The following ST3GAL1 variants were observed in gnomAD, a reference collection of about 807,000 sequenced individuals.
ST3GAL1 encodes the protein ST3 beta-galactoside alpha-2,3-sialyltransferase 1.
A neutral mutation model predicts 34.1 loss-of-function variants in ST3GAL1; 16 were observed. That is an observed-to-expected ratio of 0.47 (90% CI 0.32 to 0.71). The LOEUF (loss-of-function observed/expected upper bound fraction) is 0.71. ST3GAL1 is among the 30% of genes least tolerant of loss of function. ST3GAL1 has a pLI of 0.04. For synonymous variants in ST3GAL1, 191 were observed against 184.7 expected (o/e 1.03, Z -0.28); for missense variants, 353 against 447.4 (o/e 0.79, Z 1.90).
intron 2 of ST3GAL1, among the ~76,000 whole-genome samples, chr8:133,517,305 C>T (rs574467960): frequency 7.2e-5 from 11 of 152,294 alleles, no homozygotes; most frequent in Admixed American, 5.9e-4. Context: ...AAGAGCCCAC[C>T]AAACTGGTGG....
chr8:133,532,643 C>T (rs1818190647), intron 2 of ST3GAL1, among the ~76,000 whole-genome samples: 1 of 152,158 alleles, frequency 6.6e-6, no homozygotes, highest in Non-Finnish European at 1.5e-5. Flanking sequence ...GTGAAAGGCT[C>T]ATCCTCGAGA....
At chr8:133,535,093 C>T (rs747928051) in intron 2 of ST3GAL1, among the ~76,000 whole-genome samples, 3 of 152,086 alleles carry the variant, frequency 2.0e-5, no homozygotes, top group East Asian at 1.9e-4. Context: ...GGAGGAGTCC[C>T]GGAAGAGACA....
intron 2 of ST3GAL1, among the ~76,000 whole-genome samples, chr8:133,533,614 G>A (rs115939797): frequency 3.7e-4 from 57 of 152,254 alleles, no homozygotes; most frequent in African/African-American, 1.2e-3. Flanking sequence ...CCACTTGCCC[G>A]TCAAACAATC....
chr8:133,456,899 C>G lies in ST3GAL1; in HGVS notation c.*2865G>C, dbSNP rs546474939. 1.3e-5 allele frequency: 2 copies of G among 152,376 alleles called. No homozygotes were observed. The highest frequency in any genetic ancestry group is 3.9e-4 in the East Asian group (2 of 5,180). The allele number at this position is 152,376 out of a possible 1,614,324, so 9.4% of individuals were successfully genotyped here. On this transcript the variant is annotated 3_prime_UTR_variant, in exon 10 of 10. Transcript: ENST00000522652. ...ATTTCAACATAGCGCCGGTAACACC[C>G]TAGTTTTGCTCAAACTCTGACTTGT...
intron 1 of ST3GAL1, among the ~76,000 whole-genome samples, chr8:133,565,111 C>T (rs1346839232): frequency 1.3e-5 from 2 of 151,722 alleles, no homozygotes; most frequent in Admixed American, 1.3e-4. Flanking sequence ...TCCCCACCCC[C>T]AGCTGTTGCA....
rs577811671 is a variant in ST3GAL1 at position 133,567,850 on chromosome 8, G to T, written c.-582+3843C>A. ...TGGCTGAAGCAAACATAAATCAGGTGGTGGCTGTCTTCACAAAGAGAAGCT... is the reference window on the plus strand; with the variant it reads ...TGGCTGAAGCAAACATAAATCAGGTTGTGGCTGTCTTCACAAAGAGAAGCT... On this transcript the variant is annotated intron_variant, in intron 1 of 9. Transcript: ENST00000522652. Among the ~76,000 whole-genome samples the T allele has an allele frequency of 2.0e-5, 3 of 152,210 alleles. No homozygotes were observed. In the South Asian group the frequency reaches 6.2e-4, roughly 32 times the overall value.
intron 2 of ST3GAL1, among the ~76,000 whole-genome samples, chr8:133,520,564 TC>T (rs1817774023): frequency 6.6e-6 from 1 of 152,054 alleles, no homozygotes; most frequent in South Asian, 2.1e-4. Context: ...GAAACATGAA[TC>T]CCCTGCAGGG....
At chr8:133,566,834 TGTA>T in intron 1 of ST3GAL1, 1 of 152,204 alleles carries the variant, frequency 6.6e-6, no homozygotes, top group Non-Finnish European at 1.5e-5. Flanking sequence ...GCTCTCATGG[TGTA>T]GGAACTTGCA....
At chr8:133,471,637 C>G (rs61147127) in intron 5 of ST3GAL1, among the ~76,000 whole-genome samples, 4 of 151,984 alleles carry the variant, frequency 2.6e-5, no homozygotes, top group Non-Finnish European at 5.9e-5. Flanking sequence ...CCTTTAACTA[C>G]AAGGGGATCT....
intron 2 of ST3GAL1, among the ~76,000 whole-genome samples, chr8:133,536,115 T>C (rs1818303268): frequency 1.3e-5 from 2 of 152,158 alleles, no homozygotes; most frequent in Non-Finnish European, 2.9e-5. Context: ...GAAGCAGAAG[T>C]GTGATTTGAA....
chr8:133,532,879 T>C (rs145594648), intron 2 of ST3GAL1, among the ~76,000 whole-genome samples: 102 of 152,282 alleles, frequency 6.7e-4, no homozygotes, highest in African/African-American at 2.2e-3. Context: ...GGGTGATAGT[T>C]TGGGGACGAG....
At chr8:133,503,444 A>T (rs1490377608) in intron 2 of ST3GAL1, among the ~76,000 whole-genome samples, 1 of 151,962 alleles carries the variant, frequency 6.6e-6, no homozygotes, top group Non-Finnish European at 1.5e-5. Flanking sequence ...AACAATTAGG[A>T]TCCACTGTCT....
chr8:133,518,530 A>C (rs181173708), intron 2 of ST3GAL1, among the ~76,000 whole-genome samples: 150 of 152,336 alleles, frequency 9.8e-4, no homozygotes, highest in Non-Finnish European at 1.9e-3. Flanking sequence ...TTGATGCTTA[A>C]ATCTTATCCA....
intron 1 of ST3GAL1, among the ~76,000 whole-genome samples, chr8:133,557,665 T>G (rs1005928008): frequency 1.3e-5 from 2 of 152,134 alleles, no homozygotes; most frequent in Non-Finnish European, 2.9e-5. Context: ...CTGACCAACA[T>G]GGTGAAACCC....
At chr8:133,507,623 A>G (rs557917044) in intron 2 of ST3GAL1, among the ~76,000 whole-genome samples, 133 of 152,336 alleles carry the variant, frequency 8.7e-4, no homozygotes, top group African/African-American at 3.1e-3. Flanking sequence ...TAGGGACATG[A>G]AGAAAAGAAG....
At position 133,458,819 on chromosome 8, in the gene ST3GAL1, A is replaced by T. The variant is rs16904926; in HGVS notation, c.*945T>A. ...ATGAGACTGACTACTCAAAGGAACAACTGCTTGGGAAGAGGCATCTGCAGG... is the reference window on the plus strand; with the variant it reads ...ATGAGACTGACTACTCAAAGGAACATCTGCTTGGGAAGAGGCATCTGCAGG... On this transcript the variant is annotated 3_prime_UTR_variant, in exon 10 of 10. Transcript: ENST00000522652. The T allele has an allele frequency of 0.034, 5,237 of 152,096 alleles. 164 individuals are homozygous for T. The highest frequency in any genetic ancestry group is 0.079 in the African/African-American group (3,260 of 41,454). 9.4% of individuals were successfully genotyped at this position (152,096 alleles called of 1,614,324 possible).
At chr8:133,555,720 G>A (rs1304642858) in intron 1 of ST3GAL1, among the ~76,000 whole-genome samples, 1 of 152,150 alleles carries the variant, frequency 6.6e-6, no homozygotes, top group Admixed American at 6.5e-5. Context: ...ACAGGAGTCG[G>A]CGGGTGCCTG....
In ST3GAL1 at chr8:133,570,623, C is replaced by T. The variant is rs1185598475; in HGVS notation, c.-582+1070G>A. Among the ~76,000 whole-genome samples, 1 of 152,216 alleles carries T rather than the reference C, an allele frequency of 6.6e-6. No individual in the cohort carries two copies. The highest frequency in any genetic ancestry group is 6.5e-5 in the Admixed American group (1 of 15,288). On this transcript the variant is annotated intron_variant, in intron 1 of 9. Transcript: ENST00000522652. The surrounding 1 kb of genome is among the most constrained non-coding windows in gnomAD (Gnocchi z 5.6). Reference sequence around the variant, plus strand: ...AAGGCCAGGCTAATGCGCGCTCCGACGTCTCTGTGCCAAGCCGGGGCGCAA... The same window carrying T: ...AAGGCCAGGCTAATGCGCGCTCCGATGTCTCTGTGCCAAGCCGGGGCGCAA...
intron 1 of ST3GAL1, among the ~76,000 whole-genome samples, chr8:133,567,738 G>T (rs1242145882): frequency 2.0e-5 from 3 of 152,180 alleles, no homozygotes; most frequent in Non-Finnish European, 4.4e-5. Context: ...TTTGAGAGGG[G>T]AGATGCCCTT....
Sources: gnomAD v4.1 joint callset for allele counts (sites outside exome capture counted in the v4.1 genomes callset) on GRCh38, gnomAD v4.1.1 for gene constraint, Gnocchi (gnomAD v3.1) non-coding constraint, MANE v1.5 for transcripts, NCBI Gene and HGNC (gene_info 2026-07-23, HGNC 2026-07-21) for gene names.